The following NALCN variants were observed in gnomAD, a reference collection of about 807,000 sequenced individuals.
NALCN encodes sodium leak channel, non-selective.
A neutral mutation model predicts 225.3 loss-of-function variants in NALCN; 111 were observed. That is an observed-to-expected ratio of 0.49 (90% CI 0.42 to 0.58). The LOEUF is 0.58. Among genes scored for constraint, NALCN ranks in the 20% least tolerant of loss-of-function variants. The pLI is 0.00. For synonymous variants in NALCN, 764 were observed against 769.0 expected (o/e 0.99, Z 0.11); for missense variants, 1,378 against 2,202.4 (o/e 0.63, Z 7.49).
At chr13:101,114,424 A>T (rs1289911970) in intron 18 of NALCN, among the ~76,000 whole-genome samples, 2 of 141,966 alleles carry the variant, frequency 1.4e-5, no homozygotes, top group Non-Finnish European at 3.0e-5. Flanking sequence ...TAGCATATTC[A>T]TTCTCTCTCT....
At chr13:101,118,486 T>C (rs1384809686) in intron 18 of NALCN, among the ~76,000 whole-genome samples, 1 of 152,204 alleles carries the variant, frequency 6.6e-6, no homozygotes, top group African/African-American at 2.4e-5. Flanking sequence ...TTTACTATTT[T>C]ATGTTTTATG....
chr13:101,165,641 AT>A (rs2038402565), intron 15 of NALCN, among the ~76,000 whole-genome samples: 2 of 152,088 alleles, frequency 1.3e-5, no homozygotes, highest in South Asian at 2.1e-4. Flanking sequence ...GGCTAGGCTA[AT>A]TTTTTGTATT....
intron 10 of NALCN, among the ~76,000 whole-genome samples, chr13:101,271,731 A>C (rs1377297310): frequency 6.6e-6 from 1 of 150,516 alleles, no homozygotes; most frequent in African/African-American, 2.4e-5. Context: ...TCTGTGTGTC[A>C]CTGTGTCACT....
intron 6 of NALCN, among the ~76,000 whole-genome samples, chr13:101,362,172 C>T (rs1375916446): frequency 1.3e-5 from 2 of 151,772 alleles, no homozygotes; most frequent in African/African-American, 2.4e-5. Context: ...TCCCATGAAA[C>T]ATAACATATA....
intron 13 of NALCN, among the ~76,000 whole-genome samples, chr13:101,223,209 C>T (rs916443969): frequency 6.6e-6 from 1 of 152,130 alleles, no homozygotes; most frequent in African/African-American, 2.4e-5. Context: ...CACATAACCC[C>T]AGATATAAAG....
intron 30 of NALCN, among the ~76,000 whole-genome samples, chr13:101,086,320 G>T (rs917180100): frequency 6.6e-6 from 1 of 151,804 alleles, no homozygotes; most frequent in Admixed American, 6.6e-5. Flanking sequence ...CACTTAAAAC[G>T]ATACATTTAT....
chr13:101,377,124 A>T, intron 4 of NALCN, 68 bp from the exon 5 acceptor site: 1 of 1,595,862 alleles, frequency 6.3e-7, no homozygotes. Context: ...CATGGAACAT[A>T]CAGATGTTAG....
chr13:101,198,901 A>T lies in NALCN; in HGVS notation c.1627-6847T>A, dbSNP rs185017782. On this transcript the variant is annotated intron_variant, in intron 13 of 43. Coordinates refer to ENST00000251127, the MANE Select transcript of NALCN (RefSeq NM_052867.4). ...GACTTGGAACCAACCCAAATGTCCA[A>T]CAATGATAGACTGGATTAAGAAAAT... Among the ~76,000 whole-genome samples, 709 of 152,276 alleles carry T rather than the reference A, an allele frequency of 4.7e-3. 6 individuals are homozygous for T. Among genetic ancestry groups the T allele is most frequent in the African/African-American group, 0.017 (690 of 41,558 alleles).
chr13:101,126,496 ATTT>A (rs35175845), intron 17 of NALCN, among the ~76,000 whole-genome samples: 1 of 144,728 alleles, frequency 6.9e-6, no homozygotes, highest in African/African-American at 2.6e-5. Context: ...TTTTGGCATA[ATTT>A]TTTTTTTTTT....
At chr13:101,333,839 G>A (rs1277543706) in intron 7 of NALCN, among the ~76,000 whole-genome samples, 3 of 152,176 alleles carry the variant, frequency 2.0e-5, no homozygotes, top group African/African-American at 4.8e-5. Flanking sequence ...GTCCATACAC[G>A]ATTTCCATGC....
chr13:101,284,930 T>C (rs2139012589), intron 9 of NALCN, among the ~76,000 whole-genome samples: 1 of 152,300 alleles, frequency 6.6e-6, no homozygotes, highest in South Asian at 2.1e-4. Flanking sequence ...CGAGTGTGTG[T>C]GTATGTGTGT....
intron 1 of NALCN, among the ~76,000 whole-genome samples, chr13:101,400,544 A>AGTGTGT (rs376844190): frequency 1.1e-3 from 149 of 135,244 alleles, no homozygotes; most frequent in African/African-American, 3.2e-3. Context: ...ACATGTTTGC[A>AGTGTGT]GTGTGTGTGT....
chr13:101,058,121 A>G (rs2031495884), intron 42 of NALCN, 65 bp from the exon 43 acceptor site: 1 of 1,370,848 alleles, frequency 7.3e-7, no homozygotes, highest in Non-Finnish European at 1.0e-6. Context: ...CTTTTACTAT[A>G]AGAAAGGAAA....
At chr13:101,395,818 G>A (rs1365697323) in intron 2 of NALCN, among the ~76,000 whole-genome samples, 4 of 151,980 alleles carry the variant, frequency 2.6e-5, no homozygotes, top group African/African-American at 9.7e-5. Context: ...AGAATTAGGG[G>A]CATACTATAT....
intron 10 of NALCN, among the ~76,000 whole-genome samples, chr13:101,283,199 T>C (rs1485492420): frequency 6.6e-6 from 1 of 152,160 alleles, no homozygotes; most frequent in Non-Finnish European, 1.5e-5. Flanking sequence ...GGTGCTGCTC[T>C]TGGTAAGGTG....
intron 18 of NALCN, among the ~76,000 whole-genome samples, chr13:101,113,768 A>G (rs1001427860): frequency 2.4e-4 from 37 of 152,368 alleles, no homozygotes; most frequent in African/African-American, 8.4e-4. Context: ...GCACAAAAAA[A>G]GACTTGTTTT....
At chr13:101,066,875 G>T (rs774145160) in intron 39 of NALCN, among the ~76,000 whole-genome samples, 1 of 151,928 alleles carries the variant, frequency 6.6e-6, no homozygotes, top group Non-Finnish European at 1.5e-5. Context: ...CAAATACCCT[G>T]GCAGAACTTT....
At chr13:101,067,320 GAA>G in intron 39 of NALCN, among the ~76,000 whole-genome samples, 1 of 84,614 alleles carries the variant, frequency 1.2e-5, no homozygotes, top group Non-Finnish European at 2.2e-5. Flanking sequence ...AGAGGAGGGG[GAA>G]GAGGAGGGGG....
intron 1 of NALCN, among the ~76,000 whole-genome samples, chr13:101,400,157 AAC>A (rs201922695): frequency 0.061 from 9,299 of 151,216 alleles, 852 homozygotes; most frequent in African/African-American, 0.22. Flanking sequence ...ACCAAAAAAA[AAC>A]AAAAAACAAA....
Sources: gnomAD v4.1 joint callset for allele counts (sites outside exome capture counted in the v4.1 genomes callset) on GRCh38, gnomAD v4.1.1 for gene constraint, MANE v1.5 for transcripts, NCBI Gene and HGNC (gene_info 2026-07-23, HGNC 2026-07-21) for gene names.